Variants in ZCCHC7 observed in about 807,000 individuals in gnomAD.
ZCCHC7 encodes the protein zinc finger CCHC domain-containing protein 7.
ZCCHC7 carries 35 observed loss-of-function variants against 52.0 expected under a neutral mutation model. That is an observed-to-expected ratio of 0.67 (90% CI 0.51 to 0.89). ZCCHC7 has a LOEUF of 0.89. Ranked by LOEUF, ZCCHC7 falls within the 40% of genes least tolerant of loss-of-function variation. The pLI, the probability that ZCCHC7 is intolerant of heterozygous loss-of-function variation, is 0.00. For synonymous variants in ZCCHC7, 217 were observed against 221.5 expected (o/e 0.98, Z 0.18); for missense variants, 574 against 649.1 (o/e 0.88, Z 1.26).
chr9:37,217,334 A>G (rs545512932), intron 2 of ZCCHC7, among the ~76,000 whole-genome samples: 3 of 152,314 alleles, frequency 2.0e-5, no homozygotes, highest in African/African-American at 7.2e-5. Flanking sequence ...TGTGTCTATA[A>G]GCCTATATGT....
At chr9:37,293,542 T>C (rs956706752) in intron 2 of ZCCHC7, among the ~76,000 whole-genome samples, 1 of 152,180 alleles carries the variant, frequency 6.6e-6, no homozygotes, top group Admixed American at 6.5e-5. Flanking sequence ...AATATACATA[T>C]GGTATATTTT....
chr9:37,265,793 G>GTGT (rs1295786077), intron 2 of ZCCHC7, among the ~76,000 whole-genome samples: 1 of 152,048 alleles, frequency 6.6e-6, no homozygotes, highest in East Asian at 1.9e-4. Flanking sequence ...TGAGGATAGT[G>GTGT]TGTTTAGCCT....
intron 2 of ZCCHC7, among the ~76,000 whole-genome samples, chr9:37,280,452 A>G (rs1564222994): frequency 1.3e-5 from 2 of 152,184 alleles, no homozygotes; most frequent in Admixed American, 6.5e-5. Flanking sequence ...CTTTTCCAGT[A>G]TACATTCAGC....
At chr9:37,215,230 C>G (rs1300543200) in intron 2 of ZCCHC7, among the ~76,000 whole-genome samples, 1 of 152,088 alleles carries the variant, frequency 6.6e-6, no homozygotes, top group Non-Finnish European at 1.5e-5. Flanking sequence ...GATGGATTCC[C>G]AGGCCCATTG....
intron 2 of ZCCHC7, among the ~76,000 whole-genome samples, chr9:37,226,718 A>C (rs1213435248): frequency 1.3e-5 from 2 of 152,200 alleles, no homozygotes; most frequent in Non-Finnish European, 2.9e-5. Context: ...TGTAAGAATT[A>C]TATGAAAATT....
At chr9:37,292,257 CAGAT>C (rs1828574428) in intron 2 of ZCCHC7, among the ~76,000 whole-genome samples, 1 of 152,016 alleles carries the variant, frequency 6.6e-6, no homozygotes, top group Non-Finnish European at 1.5e-5. Flanking sequence ...CCATTGGACC[CAGAT>C]AGTGAATGGT....
Position 37,354,806 on chromosome 9 carries a change from C to T in ZCCHC7, c.1180C>T (p.Leu394=). Residue 394 remains leucine (L), a synonymous_variant, in exon 8 of 9, where the codon CTA becomes TTA. Coordinates refer to ENST00000336755, the MANE Select transcript of ZCCHC7 (RefSeq NM_032226.3). This position sits in a 1 kb window ranked among gnomAD's most constrained non-coding sequence, Gnocchi z 4.0. ...KYEIQEREKR[L]KQKIKVLKKN... ...TGAAATTCAGGAGAGAGAAAAGAGA[C>T]TAAAACAAAAAATAAAAGGTATGTT... 6.2e-7 allele frequency: 1 copy of T among 1,605,964 alleles called. No individual in the cohort carries two copies.
intron 6 of ZCCHC7, among the ~76,000 whole-genome samples, chr9:37,342,933 T>G (rs139473299): frequency 3.3e-4 from 51 of 152,354 alleles, no homozygotes; most frequent in African/African-American, 1.2e-3. Context: ...AGGAAGAGTT[T>G]GCCAATTTTG....
chr9:37,291,403 A>G (rs1163651440), intron 2 of ZCCHC7, among the ~76,000 whole-genome samples: 2 of 152,120 alleles, frequency 1.3e-5, no homozygotes, highest in Admixed American at 6.5e-5. Flanking sequence ...TACTCATTCA[A>G]CAGAACATTG....
intron 2 of ZCCHC7, among the ~76,000 whole-genome samples, chr9:37,178,914 A>G (rs558911344): frequency 6.6e-6 from 1 of 152,290 alleles, no homozygotes; most frequent in African/African-American, 2.4e-5. Context: ...ATGATGACTG[A>G]TATTTTATTT....
intron 2 of ZCCHC7, among the ~76,000 whole-genome samples, chr9:37,140,969 G>A (rs1843196231): frequency 6.6e-6 from 1 of 151,890 alleles, no homozygotes; most frequent in African/African-American, 2.4e-5. Flanking sequence ...ACATACATGT[G>A]TATTTTGATT....
At chr9:37,150,424 A>G (rs1462624066) in intron 2 of ZCCHC7, among the ~76,000 whole-genome samples, 2 of 152,238 alleles carry the variant, frequency 1.3e-5, no homozygotes, top group African/African-American at 4.8e-5. Flanking sequence ...TTTAAATAGT[A>G]ATTCCAGTTC....
At chr9:37,251,924 C>CATT (rs1826348593) in intron 2 of ZCCHC7, among the ~76,000 whole-genome samples, 2 of 152,114 alleles carry the variant, frequency 1.3e-5, no homozygotes, top group South Asian at 4.1e-4. Flanking sequence ...TATTAGCTTA[C>CATT]ATTAGTGTTT....
At chr9:37,163,854 TATG>T (rs981876723) in intron 2 of ZCCHC7, among the ~76,000 whole-genome samples, 1 of 152,206 alleles carries the variant, frequency 6.6e-6, no homozygotes, top group African/African-American at 2.4e-5. Flanking sequence ...TTAATTTTTA[TATG>T]ATGTGAGGTG....
chr9:37,340,690 T>G (rs183528767), intron 6 of ZCCHC7, among the ~76,000 whole-genome samples: 1 of 152,338 alleles, frequency 6.6e-6, no homozygotes. Flanking sequence ...TTTATATTTC[T>G]AACACAATAG....
intron 2 of ZCCHC7, among the ~76,000 whole-genome samples, chr9:37,248,089 T>A (rs1367016193): frequency 6.6e-6 from 1 of 152,198 alleles, no homozygotes; most frequent in Non-Finnish European, 1.5e-5. Context: ...TATGAATGTG[T>A]TAAAAATTAT....
intron 2 of ZCCHC7, among the ~76,000 whole-genome samples, chr9:37,282,471 G>T (rs576701313): frequency 6.6e-6 from 1 of 151,918 alleles, no homozygotes; most frequent in East Asian, 1.9e-4. Flanking sequence ...CAGGCGTGGT[G>T]GTGGGTGCCT....
At chr9:37,272,170 A>G (rs1443053760) in intron 2 of ZCCHC7, among the ~76,000 whole-genome samples, 1 of 152,232 alleles carries the variant, frequency 6.6e-6, no homozygotes, top group Non-Finnish European at 1.5e-5. Context: ...GATCTGGAGA[A>G]GAAACAGAAA....
chr9:37,286,326 A>T (rs1828205156), intron 2 of ZCCHC7, among the ~76,000 whole-genome samples: 1 of 152,168 alleles, frequency 6.6e-6, no homozygotes, highest in Non-Finnish European at 1.5e-5. Flanking sequence ...CTGTGAAATA[A>T]AATTGTAATA....
Sources: gnomAD v4.1 joint callset for allele counts (sites outside exome capture counted in the v4.1 genomes callset) on GRCh38, gnomAD v4.1.1 for gene constraint, Gnocchi (gnomAD v3.1) non-coding constraint, MANE v1.5 for transcripts, NCBI Gene and HGNC (gene_info 2026-07-23, HGNC 2026-07-21) for gene names.